Variants in AUH observed in about 807,000 individuals in gnomAD.
The protein encoded by AUH is AU RNA binding methylglutaconyl-CoA hydratase.
AUH carries 29 observed loss-of-function variants against 42.3 expected under a neutral mutation model. The observed-to-expected ratio is 0.69, with a 90% CI of 0.51 to 0.93. AUH has a LOEUF of 0.93. AUH is among the 40% of genes least tolerant of loss of function. AUH has a pLI of 0.00. For synonymous variants in AUH, 174 were observed against 166.4 expected, an observed-to-expected ratio of 1.05 and a Z score of -0.35; for missense variants, 452 against 438.1, an observed-to-expected ratio of 1.03 and a Z score of -0.28.
intron 1 of AUH, chr9:91,357,647 TG>T (rs1832526353): frequency 2.9e-6 from 1 of 348,456 alleles, no homozygotes; most frequent in Non-Finnish European, 4.0e-6. Flanking sequence ...GATAATGGTC[TG>T]GGGCAAAAGG....
At chr9:91,309,044 G>C (rs906011537) in intron 4 of AUH, among the ~76,000 whole-genome samples, 7 of 151,584 alleles carry the variant, frequency 4.6e-5, no homozygotes, top group African/African-American at 1.7e-4. Context: ...CACCAGCCTC[G>C]ACCTCCCAAA....
At chr9:91,248,358 A>G (rs1374934167) in intron 6 of AUH, among the ~76,000 whole-genome samples, 4 of 152,236 alleles carry the variant, frequency 2.6e-5, no homozygotes, top group African/African-American at 9.6e-5. Context: ...TACCAAAAAC[A>G]TCTCAAGATA....
intron 3 of AUH, among the ~76,000 whole-genome samples, chr9:91,341,958 G>A (rs1236280426): frequency 2.6e-5 from 4 of 152,208 alleles, no homozygotes; most frequent in African/African-American, 9.6e-5. Context: ...GAGTTGGAGA[G>A]AAGAATGAGC....
chr9:91,356,144 GCAC>G lies in AUH; in HGVS notation c.271_273del (p.Val91del), dbSNP rs764673255. The G allele has an allele frequency of 3.7e-5, 60 of 1,613,292 alleles. No individual in the cohort carries two copies. Among genetic ancestry groups the G allele is most frequent in the Middle Eastern group, 1.6e-4 (1 of 6,074 alleles). ...TTGCCATAAGCTCTGTTTATTCCAAGCACCACAATTCCTAGTTAAAGGGGAAAA... is the reference window on the plus strand; with the variant it reads ...TTGCCATAAGCTCTGTTTATTCCAAGCACAATTCCTAGTTAAAGGGGAAAA... On this transcript the variant is annotated inframe_deletion, in exon 2 of 10. Coordinates refer to ENST00000375731, the MANE Select transcript of AUH (RefSeq NM_001698.3).
chr9:91,351,570 G>A (rs1016024805), intron 3 of AUH, among the ~76,000 whole-genome samples: 11 of 152,134 alleles, frequency 7.2e-5, no homozygotes, highest in African/African-American at 2.7e-4. Context: ...ATAGGCCAGG[G>A]GTCCCCAACC....
chr9:91,325,212 A>T, intron 4 of AUH, 106 bp downstream of exon 4: 1 of 872,616 alleles, frequency 1.1e-6, no homozygotes, highest in Admixed American at 2.0e-5. Context: ...ATGATTATCT[A>T]ATTATATAAA....
chr9:91,261,136 G>A lies in AUH; in HGVS notation c.655+34885C>T, dbSNP rs527728263. Among the ~76,000 whole-genome samples the A allele has an allele frequency of 5.3e-5, 8 of 152,098 alleles. No individual in the cohort carries two copies. In the South Asian group the frequency reaches 6.2e-4, roughly 12 times the overall value. On this transcript the variant is annotated intron_variant, in intron 6 of 9. Coordinates refer to ENST00000375731, the MANE Select transcript of AUH (RefSeq NM_001698.3). ...TACTGACTGCTTCTGCTCCTGGGTC[G>A]TATTTTCCTGCTTCATCATCTCTAC... is the stretch of plus-strand genomic sequence containing the variant.
At chr9:91,249,874 C>T (rs1829027073) in intron 6 of AUH, among the ~76,000 whole-genome samples, 1 of 151,748 alleles carries the variant, frequency 6.6e-6, no homozygotes, top group Admixed American at 6.6e-5. Flanking sequence ...TAGCTGGGCA[C>T]GGTGGTGCGT....
chr9:91,348,908 A>G (rs1205936459), intron 3 of AUH, among the ~76,000 whole-genome samples: 2 of 152,248 alleles, frequency 1.3e-5, no homozygotes, highest in East Asian at 3.8e-4. Context: ...CCTAAATAAA[A>G]CATTTTTTAT....
chr9:91,326,786 G>GT (rs1431026997), intron 3 of AUH, among the ~76,000 whole-genome samples: 1 of 152,068 alleles, frequency 6.6e-6, no homozygotes, highest in African/African-American at 2.4e-5. Flanking sequence ...GTCTTTAAAT[G>GT]TTTTGGAATG....
At chr9:91,334,885 C>T (rs1214265158) in intron 3 of AUH, among the ~76,000 whole-genome samples, 2 of 152,156 alleles carry the variant, frequency 1.3e-5, no homozygotes, top group Admixed American at 1.3e-4. Flanking sequence ...TTTATTCTCT[C>T]CAATAAAGCC....
chr9:91,348,147 A>C (rs748861597), intron 3 of AUH, among the ~76,000 whole-genome samples: 1 of 152,166 alleles, frequency 6.6e-6, no homozygotes, highest in Non-Finnish European at 1.5e-5. Flanking sequence ...AAATTCAAAT[A>C]AACAAGTCAT....
intron 6 of AUH, among the ~76,000 whole-genome samples, chr9:91,229,413 C>A (rs1285205980): frequency 6.8e-6 from 1 of 147,588 alleles, no homozygotes; most frequent in Admixed American, 6.8e-5. Flanking sequence ...CTTGGTAGAT[C>A]TTCCTCCATC....
At chr9:91,259,023 G>A (rs944068622) in intron 6 of AUH, among the ~76,000 whole-genome samples, 2 of 152,156 alleles carry the variant, frequency 1.3e-5, no homozygotes, top group Non-Finnish European at 2.9e-5. Flanking sequence ...GGAAGGTAAT[G>A]CTGGCCTGGC....
At chr9:91,286,720 TAAA>T (rs139430663) in intron 6 of AUH, among the ~76,000 whole-genome samples, 1 of 132,590 alleles carries the variant, frequency 7.5e-6, no homozygotes. Context: ...CTGAATTCTC[TAAA>T]AAAAAAAAAA....
intron 4 of AUH, among the ~76,000 whole-genome samples, chr9:91,321,375 T>C (rs961349624): frequency 2.0e-5 from 3 of 152,234 alleles, no homozygotes; most frequent in Admixed American, 6.5e-5. Context: ...GAACTTATCT[T>C]TGGTTTTTGT....
chr9:91,297,836 T>A (rs1430159284), intron 5 of AUH, 148 bp downstream of exon 5: 1 of 690,974 alleles, frequency 1.4e-6, no homozygotes, highest in Non-Finnish European at 2.4e-6. Flanking sequence ...CAGGTGGGAA[T>A]TTCGAAAACA....
At chr9:91,334,048 A>C (rs913705223) in intron 3 of AUH, among the ~76,000 whole-genome samples, 3 of 152,176 alleles carry the variant, frequency 2.0e-5, no homozygotes, top group Admixed American at 1.3e-4. Context: ...TTTATGTATT[A>C]GACAGATGTG....
At position 91,328,613 on chromosome 9, in the gene AUH, C is replaced by T. The variant is rs543233181; in HGVS notation, c.419-3209G>A. On this transcript the variant is annotated intron_variant, in intron 3 of 9. Transcript: ENST00000375731. ...GTGAAGACTACAGGCTCAGCCAGAA[C>T]TTTGAGGCCAAGATCTCGGAGAAAA... 1.4e-3 allele frequency among the ~76,000 whole-genome samples: 217 copies of T among 152,226 alleles called. 1 individual carries two copies. Among genetic ancestry groups the T allele is most frequent in the African/African-American group, 4.8e-3 (199 of 41,534 alleles).
Sources: allele counts gnomAD v4.1 joint callset (sites outside exome capture counted in the v4.1 genomes callset), GRCh38; gene constraint gnomAD v4.1.1; transcripts MANE v1.5; gene names NCBI Gene and HGNC (gene_info 2026-07-23, HGNC 2026-07-21).